The following CPB2 variants were observed in gnomAD, a reference collection of about 807,000 sequenced individuals.
CPB2 encodes carboxypeptidase B2.
CPB2 carries 54 observed loss-of-function variants against 57.0 expected under a neutral mutation model. The ratio of observed to expected loss-of-function variants is 0.95; its 90% CI spans 0.76 to 1.19. CPB2 has a LOEUF of 1.19. Among genes scored for constraint, CPB2 ranks in the 50% most tolerant of loss-of-function variants. The probability of loss-of-function intolerance (pLI) is 0.00; values close to 1 mark genes in which losing one functional copy is unlikely to be tolerated. For missense variants in CPB2, 426 were observed against 512.0 expected (o/e 0.83, Z 1.62); for synonymous variants, 189 against 178.1 (o/e 1.06, Z -0.49).
chr13:46,072,094 G>A (rs2044951356), intron 6 of CPB2, among the ~76,000 whole-genome samples: 1 of 152,202 alleles, frequency 6.6e-6, no homozygotes, highest in Admixed American at 6.5e-5. Flanking sequence ...TGCGGAAAGA[G>A]AAGGATCTAA....
Position 46,059,853 on chromosome 13 carries a change from A to G in CPB2, c.797-1472T>C, listed in dbSNP as rs545107169. On this transcript the variant is annotated intron_variant, in intron 8 of 10. Coordinates refer to ENST00000181383, the MANE Select transcript of CPB2 (RefSeq NM_001872.5). ...CTGTTATTATACAAACACAACATTA[A>G]TGTTTGTTAAAAAATTGTTTCCCTG... 2.0e-5 allele frequency among the ~76,000 whole-genome samples: 3 copies of G among 152,308 alleles called. No homozygotes were observed. The East Asian group carries it at 5.8e-4, about 29-fold the overall frequency.
intron 6 of CPB2, among the ~76,000 whole-genome samples, chr13:46,072,011 A>G (rs774729765): frequency 4.6e-5 from 7 of 152,234 alleles, no homozygotes; most frequent in Non-Finnish European, 8.8e-5. Context: ...ACTGGGTCCT[A>G]TGATGTGCCA....
intron 1 of CPB2, chr13:46,098,289 G>A (rs1266240916): frequency 3.9e-5 from 6 of 152,162 alleles, no homozygotes; most frequent in African/African-American, 1.2e-4. Context: ...AAAACAGAAC[G>A]GGTAGGGGAG....
chr13:46,063,893 G>T (rs2044813060), intron 8 of CPB2, among the ~76,000 whole-genome samples: 1 of 151,292 alleles, frequency 6.6e-6, no homozygotes, highest in Non-Finnish European at 1.5e-5. Context: ...ATTTATTAAA[G>T]AAATTAAGAA....
chr13:46,082,749 A>T (rs2045139097), intron 3 of CPB2, among the ~76,000 whole-genome samples, 200 bp from the exon 4 acceptor site: 1 of 152,242 alleles, frequency 6.6e-6, no homozygotes, highest in Non-Finnish European at 1.5e-5. Context: ...CTACATGGGC[A>T]CTAGAGAAAA....
Position 46,067,346 on chromosome 13 carries a change from T to C in CPB2, c.663A>G (p.Pro221=), listed in dbSNP as rs7337140. The C allele has an allele frequency of 0.75, 1,187,746 of 1,583,384 alleles. 448,202 individuals are homozygous for C. The highest frequency in any genetic ancestry group is 0.88 in the African/African-American group (65,296 of 74,336). ...LLRLVDFYVM[P]VVNVDGYDYS... The stretch of plus-strand genomic sequence containing the variant: ...AGTCATAACCATCCACATTAACCAC[T>C]GGCATAACATAGAAATCCACAAGCC... Residue 221 remains proline, a synonymous_variant, in exon 7 of 11, where the codon CCA becomes CCG. Coordinates refer to ENST00000181383, the MANE Select transcript of CPB2 (RefSeq NM_001872.5).
intron 1 of CPB2, among the ~76,000 whole-genome samples, chr13:46,088,050 C>CAG (rs1343896063): frequency 2.0e-4 from 30 of 152,144 alleles, no homozygotes; most frequent in Non-Finnish European, 5.9e-5. Flanking sequence ...GGTCAGTTTA[C>CAG]AGAGTATTTA....
At chr13:46,098,957 C>T (rs1330412537) in intron 1 of CPB2, 1 of 152,162 alleles carries the variant, frequency 6.6e-6, no homozygotes, top group African/African-American at 2.4e-5. Context: ...ATACAAATGC[C>T]TATTCTGTGA....
chr13:46,087,554 C>CA (rs1334002365), intron 2 of CPB2, among the ~76,000 whole-genome samples, 191 bp downstream of exon 2: 1 of 152,064 alleles, frequency 6.6e-6, no homozygotes, highest in Non-Finnish European at 1.5e-5. Flanking sequence ...GCTGGAAAGC[C>CA]AATAGCACAA....
intron 1 of CPB2, among the ~76,000 whole-genome samples, chr13:46,101,683 G>T (rs1457480243): frequency 1.3e-5 from 2 of 151,334 alleles, no homozygotes; most frequent in Non-Finnish European, 2.9e-5. Flanking sequence ...CGAATGAGAA[G>T]TACAAGCACA....
intron 1 of CPB2, chr13:46,096,545 AGGTG>A (rs2045368518): frequency 6.6e-6 from 1 of 152,228 alleles, no homozygotes; most frequent in East Asian, 1.9e-4. Context: ...TGGGAGGCCG[AGGTG>A]GGTGGATCAC....
At chr13:46,091,004 G>A (rs1272552818) in intron 1 of CPB2, among the ~76,000 whole-genome samples, 1 of 152,330 alleles carries the variant, frequency 6.6e-6, no homozygotes, top group East Asian at 1.9e-4. Flanking sequence ...GATTACAGGC[G>A]TGAGCCACCG....
rs112470259 is a variant in CPB2 at position 46,102,551 on chromosome 13, A to C, written c.74+2385T>G. On this transcript the variant is annotated intron_variant, in intron 1 of 10. Transcript: ENST00000181383. ...GAAAATGATTATGACAAAAAAAAAA[A>C]AAAAAACAAAGAACAGCTTTAAGAA... Among the ~76,000 whole-genome samples, 234 of 148,762 alleles carry C rather than the reference A, an allele frequency of 1.6e-3. 2 individuals carry two copies. The highest frequency in any genetic ancestry group is 4.2e-3 in the African/African-American group (173 of 40,894).
At chr13:46,077,250 A>T (rs2045036216) in intron 5 of CPB2, among the ~76,000 whole-genome samples, 2 of 152,210 alleles carry the variant, frequency 1.3e-5, no homozygotes, top group African/African-American at 2.4e-5. Context: ...ATCCAATTTT[A>T]AAAATGAGAA....
intron 1 of CPB2, chr13:46,100,233 TAGTG>T (rs1489360986): frequency 1.3e-5 from 2 of 151,998 alleles, no homozygotes; most frequent in African/African-American, 2.4e-5. Flanking sequence ...AGTTAGGAAA[TAGTG>T]AGTAAAATTA....
chr13:46,095,282 C>G (rs933677071), intron 1 of CPB2, among the ~76,000 whole-genome samples: 1 of 151,450 alleles, frequency 6.6e-6, no homozygotes, highest in African/African-American at 2.4e-5. Context: ...AAAAGGAAAC[C>G]TCTGAAATTG....
intron 10 of CPB2, among the ~76,000 whole-genome samples, chr13:46,054,088 C>T (rs1365773160): frequency 6.6e-6 from 1 of 152,154 alleles, no homozygotes; most frequent in Non-Finnish European, 1.5e-5. Flanking sequence ...TTTATACTTC[C>T]ACAAGCAGGG....
At chr13:46,084,090 CA>C (rs1405675752) in intron 3 of CPB2, 128 bp downstream of exon 3, 4 of 1,134,622 alleles carry the variant, frequency 3.5e-6, no homozygotes, top group Middle Eastern at 4.1e-4. Flanking sequence ...CCATTTGGTC[CA>C]GTCAGAGACT....
chr13:46,067,212 A>C (rs1290609603), intron 7 of CPB2, 95 bp downstream of exon 7: 2 of 594,646 alleles, frequency 3.4e-6, no homozygotes, highest in Non-Finnish European at 6.0e-6. Context: ...TAATAAAGCC[A>C]TTGTGCCTAG....
Sources: allele counts gnomAD v4.1 joint callset (sites outside exome capture counted in the v4.1 genomes callset), GRCh38; gene constraint gnomAD v4.1.1; transcripts MANE v1.5; gene names NCBI Gene and HGNC (gene_info 2026-07-23, HGNC 2026-07-21).